Variants in KIF20B observed in about 807,000 individuals in gnomAD.
The protein encoded by KIF20B is kinesin-like protein KIF20B.
A neutral mutation model predicts 232.5 loss-of-function variants in KIF20B; 188 were observed. That is an observed-to-expected ratio of 0.81 (90% CI 0.72 to 0.91). The LOEUF is 0.91. Ranked by LOEUF, KIF20B falls within the 40% of genes least tolerant of loss-of-function variation. KIF20B has a pLI of 0.00. For missense variants in KIF20B, 2,154 were observed against 2,055.9 expected, an observed-to-expected ratio of 1.05 and a Z score of -0.92; for synonymous variants, 712 against 683.0, an observed-to-expected ratio of 1.04 and a Z score of -0.66.
intron 16 of KIF20B, among the ~76,000 whole-genome samples, chr10:89,727,153 T>C (rs1258676924): frequency 6.6e-6 from 1 of 152,176 alleles, no homozygotes; most frequent in Non-Finnish European, 1.5e-5. Flanking sequence ...GTATAGAAGA[T>C]TCACTGTTGG....
Position 89,738,140 on chromosome 10 carries a change from A to T in KIF20B, c.3299A>T (p.Asn1100Ile), listed in dbSNP as rs114371507. 6.7e-7 allele frequency: 1 copy of T among 1,495,852 alleles called. No individual in the cohort carries two copies. The highest frequency in any genetic ancestry group is 1.7e-5 in the African/African-American group (1 of 59,554). 92.7% of individuals were successfully genotyped at this position (1,495,852 alleles called of 1,614,324 possible). A position where few individuals can be genotyped will look rare whatever the true frequency, so the allele number is the denominator to read the frequency against. Residue 1100 changes from asparagine (N) to isoleucine (I), a missense_variant, in exon 20 of 33, where the codon AAT becomes ATT. Transcript: ENST00000371728. ...AEVKGYKDEN[N>I]RLKEKEHKNQ... The stretch of plus-strand genomic sequence containing the variant: ...GTAAAAGGCTATAAGGATGAAAACA[A>T]TAGACTAAAGGAGAAGGAGCATAAA...
intron 14 of KIF20B, among the ~76,000 whole-genome samples, chr10:89,724,386 G>T (rs1280821958): frequency 6.6e-6 from 1 of 152,022 alleles, no homozygotes; most frequent in African/African-American, 2.4e-5. Context: ...AATTAGCTGG[G>T]CGTACTGGCA....
In KIF20B at chr10:89,773,299, A is replaced by G. The variant is rs189303458; in HGVS notation, c.5385+468A>G. On this transcript the variant is annotated intron_variant, in intron 32 of 32. Transcript: ENST00000371728. Reference sequence around the variant, plus strand: ...ATTCATTCTCCTGATTCAGAACAGTATGTGCTGTCACAGGGAAAGCTCAAA... The same window carrying G: ...ATTCATTCTCCTGATTCAGAACAGTGTGTGCTGTCACAGGGAAAGCTCAAA... Among the ~76,000 whole-genome samples the G allele has an allele frequency of 1.7e-4, 26 of 152,156 alleles. 1 individual carries two copies. The East Asian group carries it at 4.1e-3, about 24-fold the overall frequency.
At chr10:89,733,538 T>C (rs1426427188) in intron 19 of KIF20B, among the ~76,000 whole-genome samples, 1 of 152,206 alleles carries the variant, frequency 6.6e-6, no homozygotes, top group Non-Finnish European at 1.5e-5. Context: ...AAGATTATTT[T>C]TTAAAAAATC....
intron 2 of KIF20B, 100 bp downstream of exon 2, chr10:89,705,541 G>GCTTGT: frequency 2.0e-6 from 2 of 985,936 alleles, no homozygotes; most frequent in Non-Finnish European, 3.0e-6. Flanking sequence ...TTTGTACTTA[G>GCTTGT]ATACAAGCTA....
intron 18 of KIF20B, among the ~76,000 whole-genome samples, chr10:89,729,523 G>A (rs1049300575): frequency 6.6e-6 from 1 of 152,216 alleles, no homozygotes; most frequent in Non-Finnish European, 1.5e-5. Context: ...GGACGTTTAA[G>A]CCTCAGCTAG....
chr10:89,725,243 A>G (rs575760757), intron 15 of KIF20B, 85 bp downstream of exon 15: 2 of 1,186,764 alleles, frequency 1.7e-6, no homozygotes, highest in African/African-American at 1.5e-5. Context: ...AGAAACACCA[A>G]GATAGTTTAG....
At chr10:89,768,630 A>G (rs1589886849) in intron 30 of KIF20B, 108 bp from the exon 31 acceptor site, 2 of 1,081,652 alleles carry the variant, frequency 1.8e-6, no homozygotes, top group Admixed American at 3.0e-5. Context: ...AAAGTTTCCT[A>G]CCTGAGAATT....
In KIF20B at chr10:89,760,566, C is replaced by T. The variant is rs778528212; in HGVS notation, c.4721C>T (p.Ser1574Leu). 3 of 1,612,916 alleles carry T rather than the reference C, an allele frequency of 1.9e-6. No individual in the cohort carries two copies. Among genetic ancestry groups the T allele is most frequent in the Admixed American group, 1.7e-5 (1 of 59,878 alleles). Residue 1574 changes from serine (S) to leucine (L), a missense_variant, in exon 28 of 33, where the codon TCA (serine) becomes TTA (leucine). Transcript: ENST00000371728. ...IMDIKPKRIS[S>L]ADPDKLQTEP... ...GATATCAAGCCCAAACGTATTAGTT[C>T]AGCAGATCCTGACAAACTTCAAACT...
chr10:89,702,211 G>GC (rs1157892873), intron 1 of KIF20B, among the ~76,000 whole-genome samples: 5 of 152,074 alleles, frequency 3.3e-5, no homozygotes, highest in Admixed American at 3.3e-4. Flanking sequence ...TTTGCGGGGG[G>GC]AGCCCTGTGG....
chr10:89,718,451 C>T (rs547244459), intron 11 of KIF20B, among the ~76,000 whole-genome samples: 5 of 152,320 alleles, frequency 3.3e-5, no homozygotes, highest in African/African-American at 1.2e-4. Context: ...GTTGAGGCTA[C>T]AGTGAGCTCT....
intron 29 of KIF20B, among the ~76,000 whole-genome samples, chr10:89,765,109 A>C (rs1236337561): frequency 7.2e-5 from 11 of 151,796 alleles, no homozygotes; most frequent in South Asian, 4.2e-4. Flanking sequence ...TCAGCTTTCT[A>C]CATATGGCTA....
Position 89,737,557 on chromosome 10 carries a change from G to T in KIF20B, c.2716G>T (p.Ala906Ser). 6.2e-7 allele frequency: 1 copy of T among 1,607,332 alleles called. No homozygotes were observed. ...NELKNEKEEK[A>S]ELNKQIVHFQ... ...ACTTAAAAATGAAAAGGAAGAAAAA[G>T]CAGAATTAAATAAACAGATTGTTCA... The change falls in exon 20 of 33, where the codon GCA (alanine) becomes TCA (serine). Residue 906 changes from alanine (A) to serine (S), a missense_variant. Ala to Ser is a moderately conservative substitution (Grantham distance 99). Coordinates refer to ENST00000371728, the MANE Select transcript of KIF20B (RefSeq NM_001284259.2).
rs1384682208 is a variant in KIF20B, at chr10:89,738,942, G to A, written c.3777-16G>A. 6.2e-7 allele frequency: 1 copy of A among 1,606,350 alleles called. No homozygotes were observed. On this transcript the variant is annotated splice_polypyrimidine_tract_variant and intron_variant, in intron 20 of 32. Transcript: ENST00000371728. ...TAATGATGCATTACCATAGAAAAGT[G>A]GTTTATGTTTTTTAGATTGAAAGAG...
At chr10:89,738,902 A>G (rs1454268058) in intron 20 of KIF20B, 56 bp from the exon 21 acceptor site, 12 of 1,523,776 alleles carry the variant, frequency 7.9e-6, no homozygotes, top group Admixed American at 6.8e-5. Flanking sequence ...TTTCACATGT[A>G]TGGTCCTAAG....
At chr10:89,708,545 G>A (rs192125447) in intron 2 of KIF20B, among the ~76,000 whole-genome samples, 3 of 149,494 alleles carry the variant, frequency 2.0e-5, no homozygotes, top group East Asian at 2.0e-4. Flanking sequence ...AGAATTTACT[G>A]TTAAACTACT....
At chr10:89,705,922 C>T (rs1432837317) in intron 2 of KIF20B, among the ~76,000 whole-genome samples, 1 of 152,106 alleles carries the variant, frequency 6.6e-6, no homozygotes, top group African/African-American at 2.4e-5. Context: ...TTCCATTTGT[C>T]GTTTGATGGA....
chr10:89,747,817 C>A (rs1841947161), intron 23 of KIF20B, among the ~76,000 whole-genome samples: 1 of 151,918 alleles, frequency 6.6e-6, no homozygotes, highest in African/African-American at 2.4e-5. Context: ...AGCGCACCAG[C>A]ATGTCACATG....
chr10:89,737,153 C>T (rs1369597181), intron 19 of KIF20B, among the ~76,000 whole-genome samples: 1 of 151,986 alleles, frequency 6.6e-6, no homozygotes, highest in Admixed American at 6.5e-5. Context: ...TTTTGGTGTA[C>T]TTCCTTTGCT....
Sources: gnomAD v4.1 joint callset for allele counts (sites outside exome capture counted in the v4.1 genomes callset) on GRCh38, gnomAD v4.1.1 for gene constraint, MANE v1.5 for transcripts, NCBI Gene and HGNC (gene_info 2026-07-23, HGNC 2026-07-21) for gene names.